WASHC2A: variants seen among roughly 807,000 people sequenced by gnomAD.
The protein encoded by WASHC2A is WASH complex subunit FAM21A.
Under a neutral mutation model 140.3 loss-of-function variants are expected in WASHC2A, and 82 were observed. That is an observed-to-expected ratio of 0.58 (90% CI 0.49 to 0.70). WASHC2A has a LOEUF of 0.70. Among genes scored for constraint, WASHC2A ranks in the 30% least tolerant of loss-of-function variants. WASHC2A has a pLI of 0.00. For missense variants in WASHC2A, 985 were observed against 1,521.8 expected, an observed-to-expected ratio of 0.65 and a Z score of 5.87; for synonymous variants, 340 against 560.8, an observed-to-expected ratio of 0.61 and a Z score of 5.56.
At chr10:50,125,941 C>T (rs1554894795) in intron 25 of WASHC2A, 116 bp from the exon 26 acceptor site, 2 of 1,292,218 alleles carry the variant, frequency 1.5e-6, no homozygotes, top group African/African-American at 3.0e-5. Flanking sequence ...TGGTTCAGCC[C>T]TCATTTGAGA....
intron 19 of WASHC2A, 43 bp from the exon 20 acceptor site, chr10:50,110,058 C>T: frequency 6.4e-7 from 1 of 1,561,900 alleles, no homozygotes; most frequent in Non-Finnish European, 8.7e-7. Flanking sequence ...GTATGAGCCA[C>T]TGCGCCTGGC....
chr10:50,098,729 C>CT (rs531541628), intron 16 of WASHC2A, among the ~76,000 whole-genome samples: 77 of 130,848 alleles, frequency 5.9e-4, no homozygotes, highest in African/African-American at 1.3e-3. Context: ...CCTCCCACAT[C>CT]TTTTTTTTTT....
intron 20 of WASHC2A, among the ~76,000 whole-genome samples, chr10:50,110,823 G>A (rs1222953727): frequency 6.7e-6 from 1 of 149,876 alleles, no homozygotes; most frequent in Non-Finnish European, 1.5e-5. Context: ...AACTTGGGAG[G>A]TGGAGGTTGC....
chr10:50,131,126 T>C (rs1843930313), intron 30 of WASHC2A, 48 bp downstream of exon 30: 2 of 1,611,890 alleles, frequency 1.2e-6, no homozygotes, highest in Non-Finnish European at 1.7e-6. Context: ...TACCTTTCTG[T>C]CACTTGGTAT....
chr10:50,131,074 T>C lies in WASHC2A; in HGVS notation c.3882T>C (p.Asp1294=), dbSNP rs1843925302. ...AAGCCAAGTCTATATTTGATGATGA[T>C]ATGGGTAAGTTTGGTTTTCTACATC... The part of the protein sequence containing the change: ...KVEAKSIFDD[D]MDDIFSSGIQ... The change falls in exon 30 of 31, where the codon GAT becomes GAC. Residue 1294 remains aspartate, a synonymous_variant. Coordinates refer to ENST00000282633, the MANE Select transcript of WASHC2A (RefSeq NM_001005751.3). 3.7e-6 allele frequency: 6 copies of C among 1,611,784 alleles called. No homozygotes were observed. In the Admixed American group the frequency reaches 5.0e-5, roughly 13 times the overall value.
At chr10:50,101,185 T>G (rs1454130002) in intron 17 of WASHC2A, among the ~76,000 whole-genome samples, 1 of 152,288 alleles carries the variant, frequency 6.6e-6, no homozygotes, top group South Asian at 2.1e-4. Flanking sequence ...AAAGTCCAGT[T>G]AAGTCACAAC....
At chr10:50,073,262 C>A (rs1156759261) in intron 3 of WASHC2A, among the ~76,000 whole-genome samples, 8 of 151,726 alleles carry the variant, frequency 5.3e-5, no homozygotes, top group African/African-American at 1.9e-4. Context: ...CAATTGTTTC[C>A]AAATCTTAGC....
At chr10:50,132,050 G>C (rs1468835666) in intron 30 of WASHC2A, among the ~76,000 whole-genome samples, 9 of 152,182 alleles carry the variant, frequency 5.9e-5, no homozygotes, top group African/African-American at 2.2e-4. Flanking sequence ...ATTCTGCTCT[G>C]TCTTTTAGTT....
chr10:50,081,208 C>T (rs1838848952), intron 5 of WASHC2A, among the ~76,000 whole-genome samples: 1 of 126,568 alleles, frequency 7.9e-6, no homozygotes, highest in African/African-American at 3.0e-5. Flanking sequence ...AGGAGACATA[C>T]ATACGAATAA....
intron 29 of WASHC2A, 115 bp from the exon 30 acceptor site, chr10:50,130,786 T>C: frequency 6.6e-7 from 1 of 1,511,352 alleles, no homozygotes; most frequent in Non-Finnish European, 9.0e-7. Context: ...GTGGGCAGTC[T>C]CGAGGCTGTT....
At chr10:50,125,556 T>C in intron 25 of WASHC2A, 107 bp downstream of exon 25, 1 of 1,607,260 alleles carries the variant, frequency 6.2e-7, no homozygotes, top group Non-Finnish European at 8.5e-7. Flanking sequence ...GTCGTGCTGC[T>C]TCCTACTAAA....
At chr10:50,092,079 G>A (rs1322756278) in intron 10 of WASHC2A, 83 bp from the exon 11 acceptor site, 352,647 of 1,054,570 alleles carry the variant, frequency 0.33, 24,581 homozygotes, top group Middle Eastern at 0.4. Context: ...TGTGAGTTAT[G>A]AGGATGACAG....
chr10:50,095,469 A>T lies in WASHC2A; in HGVS notation c.1241-130A>T, dbSNP rs1255854954. 5.7e-6 allele frequency: 7 copies of T among 1,234,750 alleles called. No individual in the cohort carries two copies. In the African/African-American group the frequency reaches 1.1e-4, roughly 19 times the overall value. The allele number at this position is 1,234,750 out of a possible 1,614,324, so 76.5% of individuals were successfully genotyped here. A position where few individuals can be genotyped will look rare whatever the true frequency, so the allele number is the denominator to read the frequency against. Reference sequence around the variant, plus strand: ...TCTGTAGCAGTAATGGATGGAGGCTATTGGGCCCTGTTATGCATTTTGTGG... The same window carrying T: ...TCTGTAGCAGTAATGGATGGAGGCTTTTGGGCCCTGTTATGCATTTTGTGG... On this transcript the variant is annotated intron_variant, in intron 14 of 30. Transcript: ENST00000282633.
At chr10:50,089,797 C>G (rs1389736894) in intron 8 of WASHC2A, among the ~76,000 whole-genome samples, 2 of 151,926 alleles carry the variant, frequency 1.3e-5, no homozygotes, top group Non-Finnish European at 1.5e-5. Flanking sequence ...TTATATTTCT[C>G]TAGTAAAAGG....
In WASHC2A at chr10:50,087,262, C is replaced by G; in HGVS notation, c.685-13C>G. The G allele has an allele frequency of 1.9e-6, 3 of 1,613,964 alleles. No individual in the cohort carries two copies. Among genetic ancestry groups the G allele is most frequent in the Non-Finnish European group, 2.5e-6 (3 of 1,179,854 alleles). ...AGCCCATTTAACAACAAAGCCTTTTCTTCCCCACAAAGGAGTCAGATGAAG... is the reference window on the plus strand; with the variant it reads ...AGCCCATTTAACAACAAAGCCTTTTGTTCCCCACAAAGGAGTCAGATGAAG... On this transcript the variant is annotated splice_polypyrimidine_tract_variant and intron_variant, in intron 7 of 30. Coordinates refer to ENST00000282633, the MANE Select transcript of WASHC2A (RefSeq NM_001005751.3).
chr10:50,097,845 G>A (rs1472831454), intron 16 of WASHC2A, 43 bp downstream of exon 16: 106 of 1,611,246 alleles, frequency 6.6e-5, no homozygotes, highest in Middle Eastern at 4.5e-4. Flanking sequence ...TTGATCTGCC[G>A]CATTTTAATA....
intron 18 of WASHC2A, among the ~76,000 whole-genome samples, chr10:50,104,690 G>T (rs1841575428): frequency 6.6e-6 from 1 of 151,648 alleles, no homozygotes; most frequent in Non-Finnish European, 1.5e-5. Flanking sequence ...GAAATCTACA[G>T]GTTTTATTTT....
intron 4 of WASHC2A, among the ~76,000 whole-genome samples, chr10:50,080,193 T>C (rs1838770975): frequency 6.6e-6 from 1 of 152,194 alleles, no homozygotes; most frequent in Non-Finnish European, 1.5e-5. Flanking sequence ...ACCTTTTTTC[T>C]TGAGTGGGGC....
intron 10 of WASHC2A, among the ~76,000 whole-genome samples, chr10:50,091,851 G>A (rs1363922065): frequency 0.078 from 11,809 of 151,936 alleles, 886 homozygotes; most frequent in African/African-American, 0.2. Flanking sequence ...TTTTGAACAC[G>A]TAAGAATGTG....
Sources: allele counts gnomAD v4.1 joint callset (sites outside exome capture counted in the v4.1 genomes callset), GRCh38; gene constraint gnomAD v4.1.1; transcripts MANE v1.5; gene names NCBI Gene and HGNC (gene_info 2026-07-23, HGNC 2026-07-21).